Variants in FNIP1 observed in about 807,000 individuals in gnomAD.
The protein encoded by FNIP1 is folliculin-interacting protein 1.
A neutral mutation model predicts 124.5 loss-of-function variants in FNIP1; 40 were observed. The observed-to-expected ratio is 0.32, with a 90% confidence interval of 0.25 to 0.42. FNIP1 has a LOEUF of 0.42. FNIP1 is among the 10% of genes least tolerant of loss of function. FNIP1 has a pLI of 1.00. For missense variants in FNIP1, 1,176 were observed against 1,403.7 expected (o/e 0.84, Z 2.59); for synonymous variants, 472 against 470.6 (o/e 1.00, Z -0.04).
intron 1 of FNIP1, among the ~76,000 whole-genome samples, chr5:131,785,229 G>A (rs1208460582): frequency 6.7e-6 from 1 of 148,186 alleles, no homozygotes; most frequent in Non-Finnish European, 1.5e-5. Context: ...ATTGGGCAGG[G>A]CAAAATTCAA....
At chr5:131,744,015 C>A (rs887519254) in intron 2 of FNIP1, among the ~76,000 whole-genome samples, 1 of 151,976 alleles carries the variant, frequency 6.6e-6, no homozygotes, top group African/African-American at 2.4e-5. Context: ...GAAGCATCGT[C>A]CCAGAAAAGG....
chr5:131,754,858 T>C (rs1199793357), intron 1 of FNIP1, among the ~76,000 whole-genome samples: 5 of 152,202 alleles, frequency 3.3e-5, no homozygotes. Context: ...AAGAATGTTA[T>C]ATACCCTGAA....
intron 17 of FNIP1, 99 bp downstream of exon 17, chr5:131,646,988 TAGG>T (rs1766903258): frequency 3.2e-6 from 3 of 948,414 alleles, no homozygotes; most frequent in Non-Finnish European, 5.0e-6. Context: ...CAGCTTCTAA[TAGG>T]AGAAGACACG....
At position 131,704,083 on chromosome 5, in the gene FNIP1, T is replaced by C; in HGVS notation, c.1098A>G (p.Leu366=). Reference sequence around the variant, plus strand: ...TGCTTACCTGTTCTATTGCACTCTTTAATTTGTTCATGTGGCTTTCAAAGA... The same window carrying C: ...TGCTTACCTGTTCTATTGCACTCTTCAATTTGTTCATGTGGCTTTCAAAGA... ...FPLFESHMNK[L]KSAIEQAMKM... The change falls in exon 10 of 18, where the codon TTA becomes TTG. Residue 366 remains leucine, a synonymous_variant. Coordinates refer to ENST00000510461, the MANE Select transcript of FNIP1 (RefSeq NM_133372.3). The C allele has an allele frequency of 1.9e-6, 3 of 1,610,674 alleles. No individual in the cohort carries two copies. Among genetic ancestry groups the C allele is most frequent in the Non-Finnish European group, 2.5e-6 (3 of 1,177,382 alleles).
At chr5:131,645,745 C>CA (rs1766861680) in intron 17 of FNIP1, among the ~76,000 whole-genome samples, 1 of 152,064 alleles carries the variant, frequency 6.6e-6, no homozygotes, top group African/African-American at 2.4e-5. Flanking sequence ...TTTATAGTAG[C>CA]AAAAAACTAA....
intron 6 of FNIP1, among the ~76,000 whole-genome samples, chr5:131,711,026 C>A (rs766036215): frequency 6.6e-6 from 1 of 152,064 alleles, no homozygotes; most frequent in African/African-American, 2.4e-5. Flanking sequence ...CTGATATTTG[C>A]CAAATAAATT....
intron 3 of FNIP1, among the ~76,000 whole-genome samples, chr5:131,726,519 AAC>A (rs1769877033): frequency 1.3e-5 from 2 of 151,504 alleles, no homozygotes. Context: ...CTGTGGGATC[AAC>A]ACGTTTCTTA....
intron 13 of FNIP1, among the ~76,000 whole-genome samples, chr5:131,674,384 A>G (rs1371832659): frequency 2.0e-5 from 3 of 152,222 alleles, no homozygotes. Flanking sequence ...TATTTATGCT[A>G]TACTTCAAAT....
At chr5:131,715,423 T>C (rs1580779486) in intron 6 of FNIP1, among the ~76,000 whole-genome samples, 1 of 152,078 alleles carries the variant, frequency 6.6e-6, no homozygotes, top group Non-Finnish European at 1.5e-5. Flanking sequence ...GAGGCAGAGG[T>C]TGCAGTGAGC....
intron 15 of FNIP1, among the ~76,000 whole-genome samples, 196 bp downstream of exon 15, chr5:131,670,241 AGTACTTTCTGTATTTCAGATATCCAT>A (rs1453050483): frequency 6.6e-6 from 1 of 152,230 alleles, no homozygotes; most frequent in Non-Finnish European, 1.5e-5. Flanking sequence ...GAATACATAA[AGTACTTTCTGTATTTCAGATATCCAT>A]GTGGATAGAT....
chr5:131,722,740 C>T (rs775519114), intron 3 of FNIP1, among the ~76,000 whole-genome samples: 2 of 152,182 alleles, frequency 1.3e-5, no homozygotes, highest in Non-Finnish European at 2.9e-5. Flanking sequence ...GGCTGGAGTG[C>T]AATGGCACAA....
chr5:131,660,789 C>A lies in FNIP1; in HGVS notation c.3109-8790G>T, dbSNP rs558831883. On this transcript the variant is annotated intron_variant, in intron 15 of 17. Coordinates refer to ENST00000510461, the MANE Select transcript of FNIP1 (RefSeq NM_133372.3). Reference sequence around the variant, plus strand: ...GATCACCCTTGTGGCTACCTGCCCACGGTGTGGTAGTCCCCCACCGGCAAT... The same window carrying A: ...GATCACCCTTGTGGCTACCTGCCCAAGGTGTGGTAGTCCCCCACCGGCAAT... Among the ~76,000 whole-genome samples the A allele has an allele frequency of 9.2e-5, 14 of 152,306 alleles. 1 individual carries two copies. The South Asian group carries it at 2.9e-3, about 32-fold the overall frequency.
At chr5:131,725,969 T>G (rs950564041) in intron 3 of FNIP1, among the ~76,000 whole-genome samples, 3 of 152,252 alleles carry the variant, frequency 2.0e-5, no homozygotes, top group Non-Finnish European at 4.4e-5. Flanking sequence ...TTTTTGTCAT[T>G]GGTTCTGTTC....
chr5:131,789,212 T>C (rs926703265), intron 1 of FNIP1, among the ~76,000 whole-genome samples: 5 of 152,128 alleles, frequency 3.3e-5, no homozygotes, highest in Non-Finnish European at 7.4e-5. Flanking sequence ...ACTAAAAAAG[T>C]TGATCTCATA....
At chr5:131,757,532 A>G (rs547332583) in intron 1 of FNIP1, among the ~76,000 whole-genome samples, 33 of 152,234 alleles carry the variant, frequency 2.2e-4, no homozygotes, top group African/African-American at 7.0e-4. Context: ...TTTCCAGGCA[A>G]TAGTGACAGG....
intron 1 of FNIP1, among the ~76,000 whole-genome samples, chr5:131,763,158 A>G (rs983992201): frequency 6.6e-6 from 1 of 152,216 alleles, no homozygotes; most frequent in Non-Finnish European, 1.5e-5. Context: ...AAAATAACTA[A>G]AAGTATAATT....
chr5:131,682,504 A>C (rs1768123230), intron 11 of FNIP1, among the ~76,000 whole-genome samples: 2 of 152,114 alleles, frequency 1.3e-5, no homozygotes, highest in South Asian at 4.2e-4. Flanking sequence ...GGATCACCTG[A>C]GGTTGAGAGT....
At chr5:131,673,012 T>C in intron 13 of FNIP1, 88 bp from the exon 14 acceptor site, 1 of 985,862 alleles carries the variant, frequency 1.0e-6, no homozygotes, top group Non-Finnish European at 1.5e-6. Flanking sequence ...CTACTTCTTT[T>C]ACTGTATGAG....
chr5:131,762,233 A>G (rs1313823266), intron 1 of FNIP1, among the ~76,000 whole-genome samples: 1 of 152,198 alleles, frequency 6.6e-6, no homozygotes, highest in Non-Finnish European at 1.5e-5. Flanking sequence ...ATTAAAGTGA[A>G]AACAGACAAA....
Sources: gnomAD v4.1 joint callset for allele counts (sites outside exome capture counted in the v4.1 genomes callset) on GRCh38, gnomAD v4.1.1 for gene constraint, MANE v1.5 for transcripts, NCBI Gene and HGNC (gene_info 2026-07-23, HGNC 2026-07-21) for gene names.